VPS13B: variants seen among roughly 807,000 people sequenced by gnomAD.
VPS13B encodes the protein vacuolar protein sorting 13 homolog B, also known as intermembrane lipid transfer protein VPS13B.
In VPS13B, 285 loss-of-function variants were observed where a neutral mutation model predicts 426.4. That is an observed-to-expected ratio of 0.67 (90% CI 0.61 to 0.74). The LOEUF is 0.74. Among genes scored for constraint, VPS13B ranks in the 30% least tolerant of loss-of-function variants. The pLI, the probability that VPS13B is intolerant of heterozygous loss-of-function variation, is 0.00. For missense variants in VPS13B, 4,537 were observed against 4,782.6 expected, an observed-to-expected ratio of 0.95 and a Z score of 1.51; for synonymous variants, 1,676 against 1,676.4, an observed-to-expected ratio of 1.00 and a Z score of 0.01.
intron 17 of VPS13B, chr8:99,232,932 C>T: frequency 3.3e-6 from 2 of 607,276 alleles, no homozygotes; most frequent in Non-Finnish European, 5.9e-6. Context: ...GCAGACTTCT[C>T]ATTCCTCAGA....
In VPS13B at chr8:99,858,116, C is replaced by T. The variant is rs534482196; in HGVS notation, c.10868-1188C>T. Reference sequence around the variant, plus strand: ...GAGCCTGCTGGTGAAGGAGGGATGGCTCCCACCCAGTCCTGTCCCCACAGC... The same window carrying T: ...GAGCCTGCTGGTGAAGGAGGGATGGTTCCCACCCAGTCCTGTCCCCACAGC... On this transcript the variant is annotated intron_variant, in intron 56 of 61. Coordinates refer to ENST00000357162, the MANE Select transcript of VPS13B (RefSeq NM_152564.5). 2.0e-5 allele frequency among the ~76,000 whole-genome samples: 3 copies of T among 152,320 alleles called. No homozygotes were observed. In the South Asian group the frequency reaches 6.2e-4, roughly 32 times the overall value.
chr8:99,753,453 C>G (rs903372106), intron 39 of VPS13B, among the ~76,000 whole-genome samples: 1 of 152,128 alleles, frequency 6.6e-6, no homozygotes, highest in East Asian at 1.9e-4. Flanking sequence ...AGAAATGAGA[C>G]TAAAACATAA....
intron 23 of VPS13B, among the ~76,000 whole-genome samples, chr8:99,452,744 C>T (rs942782055): frequency 1.3e-5 from 2 of 152,158 alleles, no homozygotes; most frequent in African/African-American, 4.8e-5. Flanking sequence ...CTATGCTGAA[C>T]TTGGACTTCT....
chr8:99,345,692 T>C (rs140941439), intron 19 of VPS13B, among the ~76,000 whole-genome samples: 52 of 152,302 alleles, frequency 3.4e-4, no homozygotes, highest in African/African-American at 1.2e-3. Context: ...CAAAAGGTTA[T>C]TTAAAATTCT....
intron 21 of VPS13B, among the ~76,000 whole-genome samples, chr8:99,408,250 T>G (rs1479280685): frequency 6.6e-6 from 1 of 152,122 alleles, no homozygotes; most frequent in East Asian, 1.9e-4. Context: ...GTATTGAGAA[T>G]GCACTGTAGG....
chr8:99,497,767 A>G (rs567279333), intron 25 of VPS13B, among the ~76,000 whole-genome samples: 1 of 152,108 alleles, frequency 6.6e-6, no homozygotes, highest in Non-Finnish European at 1.5e-5. Context: ...TATTATGCAA[A>G]CAACCGTTTA....
intron 23 of VPS13B, among the ~76,000 whole-genome samples, chr8:99,456,683 G>C (rs1818478378): frequency 6.6e-6 from 1 of 152,046 alleles, no homozygotes; most frequent in Non-Finnish European, 1.5e-5. Flanking sequence ...CTCTTTATAT[G>C]GTGCTGGATA....
chr8:99,778,862 T>C lies in VPS13B; in HGVS notation c.7610T>C (p.Val2537Ala), dbSNP rs751188155. The C allele has an allele frequency of 5.6e-6, 9 of 1,614,040 alleles. No individual in the cohort carries two copies. Among genetic ancestry groups the C allele is most frequent in the Middle Eastern group, 1.6e-4 (1 of 6,062 alleles). The change falls in exon 42 of 62, where the codon GTC (valine) becomes GCC (alanine). Residue 2537 changes from valine to alanine, a missense_variant. By Grantham distance (64) the Val-to-Ala change is moderately conservative. This residue lies in a region of VPS13B where 4,311 missense variants were observed against 4,474.3 expected (regional missense o/e 0.96). Coordinates refer to ENST00000357162, the MANE Select transcript of VPS13B (RefSeq NM_152564.5). ...ADCKLLECRNVTMQSVVKPFS... is the reference protein window; with the variant it reads ...ADCKLLECRNATMQSVVKPFS... ...TGTAAACTTCTAGAGTGCAGAAATG[T>C]CACTATGCAAAGTGTGGTGAAACCC...
intron 2 of VPS13B, among the ~76,000 whole-genome samples, chr8:99,028,906 T>G (rs1178860565): frequency 2.5e-5 from 2 of 81,124 alleles, no homozygotes; most frequent in Non-Finnish European, 2.4e-5. Context: ...CCGGACGGGG[T>G]GGCTGCCGGG....
chr8:99,430,071 G>T (rs1048757655), intron 21 of VPS13B, among the ~76,000 whole-genome samples: 2 of 151,988 alleles, frequency 1.3e-5, no homozygotes, highest in African/African-American at 2.4e-5. Context: ...ATAATGCTCT[G>T]CCCACTGAGA....
intron 51 of VPS13B, among the ~76,000 whole-genome samples, chr8:99,830,722 T>C (rs72676259): frequency 0.16 from 24,836 of 152,154 alleles, 2,546 homozygotes; most frequent in East Asian, 0.34. Flanking sequence ...CCCAGGGCTC[T>C]TGTGGTGTAG....
At chr8:99,174,435 G>T (rs1166435058) in intron 16 of VPS13B, among the ~76,000 whole-genome samples, 3 of 152,068 alleles carry the variant, frequency 2.0e-5, no homozygotes, top group African/African-American at 4.8e-5. Flanking sequence ...GATGGAAAAA[G>T]GTTCCAATTT....
Position 99,717,593 on chromosome 8 carries a change from G to A in VPS13B, c.6657+220G>A, listed in dbSNP as rs568072870. Among the ~76,000 whole-genome samples the A allele has an allele frequency of 7.9e-5, 12 of 152,136 alleles. 1 individual carries two copies. In the South Asian group the frequency reaches 2.5e-3, roughly 32 times the overall value. On this transcript the variant is annotated intron_variant, in intron 37 of 61. Transcript: ENST00000357162. ...TCAGTGGTTTTTTAGCATATTCAGAGTTGCACAATCATTACCACAGTCAAT... is the reference window on the plus strand; with the variant it reads ...TCAGTGGTTTTTTAGCATATTCAGAATTGCACAATCATTACCACAGTCAAT...
At chr8:99,264,436 G>C (rs1563634844) in intron 17 of VPS13B, among the ~76,000 whole-genome samples, 1 of 151,780 alleles carries the variant, frequency 6.6e-6, no homozygotes, top group Non-Finnish European at 1.5e-5. Flanking sequence ...ACTTTTTTCA[G>C]GTCTGACATG....
At chr8:99,632,127 T>A (rs1256290736) in intron 33 of VPS13B, among the ~76,000 whole-genome samples, 1 of 151,870 alleles carries the variant, frequency 6.6e-6, no homozygotes, top group Non-Finnish European at 1.5e-5. Flanking sequence ...TTGGTAATAG[T>A]GTTGTGAATG....
chr8:99,446,271 T>A (rs1019279261), intron 23 of VPS13B, among the ~76,000 whole-genome samples: 2 of 152,158 alleles, frequency 1.3e-5, no homozygotes, highest in Non-Finnish European at 2.9e-5. Flanking sequence ...GGTATATAAA[T>A]CCTTGTTTAT....
chr8:99,015,700 G>A (rs1421842107), intron 2 of VPS13B, among the ~76,000 whole-genome samples: 3 of 151,582 alleles, frequency 2.0e-5, no homozygotes, highest in Non-Finnish European at 4.4e-5. Flanking sequence ...TCAGGAGTTC[G>A]AGACCAGCCT....
chr8:99,559,544 A>G (rs1242420363), intron 31 of VPS13B, among the ~76,000 whole-genome samples: 1 of 152,136 alleles, frequency 6.6e-6, no homozygotes, highest in Non-Finnish European at 1.5e-5. Context: ...TTTTAGGTCT[A>G]ACATTTAAGT....
intron 18 of VPS13B, 51 bp from the exon 19 acceptor site, chr8:99,275,030 A>T (rs779297839): frequency 1.4e-6 from 2 of 1,459,178 alleles, no homozygotes. Context: ...AAACATTCTC[A>T]AGTGACTCAT....
Sources: gnomAD v4.1 joint callset for allele counts (sites outside exome capture counted in the v4.1 genomes callset) on GRCh38, gnomAD v4.1.1 for gene constraint, gnomAD v4.1.1 regional missense constraint, MANE v1.5 for transcripts, NCBI Gene and HGNC (gene_info 2026-07-23, HGNC 2026-07-21) for gene names.